EXOC4: variants seen among roughly 807,000 people sequenced by gnomAD.
EXOC4 encodes the protein SEC8-like 1.
EXOC4 carries 71 observed loss-of-function variants against 107.2 expected under a neutral mutation model. That is an observed-to-expected ratio of 0.66 (90% CI 0.55 to 0.81). The LOEUF is 0.81. Among genes scored for constraint, EXOC4 ranks in the 30% least tolerant of loss-of-function variants. The pLI, the probability that EXOC4 is intolerant of heterozygous loss-of-function variation, is 0.00. For synonymous variants in EXOC4, 456 were observed against 441.2 expected (o/e 1.03, Z -0.42); for missense variants, 1,108 against 1,189.6 (o/e 0.93, Z 1.01).
chr7:133,331,008 G>A (rs1333523555), intron 5 of EXOC4, among the ~76,000 whole-genome samples: 1 of 151,716 alleles, frequency 6.6e-6, no homozygotes, highest in Non-Finnish European at 1.5e-5. Flanking sequence ...TGATGCAACA[G>A]GCCTATGACG....
In EXOC4 at chr7:133,623,304, T is replaced by C. The variant is rs917301702; in HGVS notation, c.1418-6741T>C. ...TATTTCTATTTGGGAGATTATCTTT[T>C]ATAAATAATACTGTAATCAATATAC... is the stretch of plus-strand genomic sequence containing the variant. On this transcript the variant is annotated intron_variant, in intron 9 of 17. Coordinates refer to ENST00000253861, the MANE Select transcript of EXOC4 (RefSeq NM_021807.4). Among the ~76,000 whole-genome samples the C allele has an allele frequency of 1.7e-4, 26 of 152,232 alleles. No individual in the cohort carries two copies. The East Asian group carries it at 4.6e-3, about 27-fold the overall frequency.
chr7:133,969,880 T>C (rs1308211177), intron 14 of EXOC4, among the ~76,000 whole-genome samples: 2 of 152,174 alleles, frequency 1.3e-5, no homozygotes, highest in African/African-American at 4.8e-5. Context: ...CTGGGAGATC[T>C]GCTGCTCTCT....
At chr7:133,557,545 CA>C (rs1227440470) in intron 9 of EXOC4, among the ~76,000 whole-genome samples, 1 of 152,072 alleles carries the variant, frequency 6.6e-6, no homozygotes, top group Non-Finnish European at 1.5e-5. Context: ...TAAATAGAGT[CA>C]ATAGATTCAT....
At chr7:134,022,184 CTG>C (rs1430378259) in intron 17 of EXOC4, among the ~76,000 whole-genome samples, 3 of 152,184 alleles carry the variant, frequency 2.0e-5, no homozygotes, top group Non-Finnish European at 4.4e-5. Context: ...GTGTGGCAGT[CTG>C]TTTCTTTTGT....
At chr7:133,353,131 AT>A (rs1795948233) in intron 5 of EXOC4, among the ~76,000 whole-genome samples, 1 of 152,146 alleles carries the variant, frequency 6.6e-6, no homozygotes, top group Non-Finnish European at 1.5e-5. Flanking sequence ...ATCTTTTAAT[AT>A]TTTAAATTAT....
At chr7:133,474,152 CTTA>C (rs1255803513) in intron 7 of EXOC4, among the ~76,000 whole-genome samples, 2 of 152,094 alleles carry the variant, frequency 1.3e-5, no homozygotes, top group African/African-American at 2.4e-5. Flanking sequence ...ACTCTTCCTT[CTTA>C]TTATCTTTCT....
Position 133,756,584 on chromosome 7 carries a change from CA to C in EXOC4, c.1515-60740del, listed in dbSNP as rs1324828926. ...GCGGTGAAAGTTTTGAATCCTCCTC[CA>C]TTTAAAATTGCCACTCTGCACAAAC... On this transcript the variant is annotated intron_variant, in intron 10 of 17. Transcript: ENST00000253861. Among the ~76,000 whole-genome samples, 5 of 152,168 alleles carry C rather than the reference CA, an allele frequency of 3.3e-5. 1 individual carries two copies. Among genetic ancestry groups the C allele is most frequent in the African/African-American group, 1.2e-4 (5 of 41,434 alleles).
At chr7:133,441,401 T>C (rs750086974) in intron 7 of EXOC4, among the ~76,000 whole-genome samples, 1 of 152,164 alleles carries the variant, frequency 6.6e-6, no homozygotes, top group East Asian at 1.9e-4. Context: ...TCTTTTTGCC[T>C]TGTTTTTGAG....
In EXOC4 at chr7:133,567,294, G is replaced by T. The variant is rs534553429; in HGVS notation, c.1418-62751G>T. On this transcript the variant is annotated intron_variant, in intron 9 of 17. Coordinates refer to ENST00000253861, the MANE Select transcript of EXOC4 (RefSeq NM_021807.4). ...TTTTTTTTCCTGTTTTACACAGATG[G>T]TAACATTATGAACACTGTTCTGAAC... Among the ~76,000 whole-genome samples the T allele has an allele frequency of 7.3e-5, 11 of 151,410 alleles. No homozygotes were observed. The East Asian group carries it at 1.9e-3, about 27-fold the overall frequency.
At chr7:133,943,454 A>G (rs1233286281) in intron 14 of EXOC4, among the ~76,000 whole-genome samples, 3 of 152,202 alleles carry the variant, frequency 2.0e-5, no homozygotes, top group African/African-American at 4.8e-5. Flanking sequence ...ATTCAATACC[A>G]GAAAACCTCT....
chr7:133,427,635 C>T (rs946465118), intron 7 of EXOC4, among the ~76,000 whole-genome samples: 1 of 152,194 alleles, frequency 6.6e-6, no homozygotes, highest in African/African-American at 2.4e-5. Context: ...GGGGTTGGCA[C>T]AGGAAGGTTG....
chr7:133,998,098 GA>G (rs1159973523), intron 15 of EXOC4, among the ~76,000 whole-genome samples: 2 of 152,172 alleles, frequency 1.3e-5, no homozygotes, highest in Admixed American at 6.5e-5. Context: ...TGCTAGTCAA[GA>G]AGGGAGTCAC....
rs193293558 is a variant in EXOC4, at chr7:133,654,674, C to T, written c.1514+24533C>T. Among the ~76,000 whole-genome samples, 7 of 152,170 alleles carry T rather than the reference C, an allele frequency of 4.6e-5. 1 individual carries two copies. The highest frequency in any genetic ancestry group is 2.0e-4 in the Admixed American group (3 of 15,262). ...TTCTTTCTTTTCCCTATTGCTCAGG[C>T]GTCATTCATAATAAAATATAGTCAC... On this transcript the variant is annotated intron_variant, in intron 10 of 17. Coordinates refer to ENST00000253861, the MANE Select transcript of EXOC4 (RefSeq NM_021807.4).
At chr7:134,005,439 T>G (rs1794623723) in intron 16 of EXOC4, among the ~76,000 whole-genome samples, 1 of 152,074 alleles carries the variant, frequency 6.6e-6, no homozygotes, top group South Asian at 2.1e-4. Context: ...GAGGAGAGAA[T>G]CCTGAAAGAT....
intron 14 of EXOC4, among the ~76,000 whole-genome samples, chr7:133,943,545 C>T (rs1381511882): frequency 2.6e-5 from 4 of 152,110 alleles, no homozygotes; most frequent in Non-Finnish European, 5.9e-5. Context: ...TCTGTTGTCC[C>T]AGCGTATCTC....
At chr7:133,441,244 A>G (rs1798096719) in intron 7 of EXOC4, among the ~76,000 whole-genome samples, 1 of 152,142 alleles carries the variant, frequency 6.6e-6, no homozygotes. Flanking sequence ...CCAGAAAGAG[A>G]GTTAGGAAGG....
At chr7:133,790,156 G>GATTGCATTGGTCA (rs1796673901) in intron 10 of EXOC4, among the ~76,000 whole-genome samples, 1 of 152,192 alleles carries the variant, frequency 6.6e-6, no homozygotes, top group South Asian at 2.1e-4. Flanking sequence ...TATGGTCAAT[G>GATTGCATTGGTCA]AATCAGTGGT....
chr7:133,318,213 T>C (rs900225163), intron 5 of EXOC4, among the ~76,000 whole-genome samples: 7 of 152,212 alleles, frequency 4.6e-5, no homozygotes, highest in African/African-American at 1.4e-4. Flanking sequence ...TACAAACTTA[T>C]CTTTTCTTCT....
At chr7:133,414,140 TAAAC>T (rs1325417287) in intron 7 of EXOC4, among the ~76,000 whole-genome samples, 1 of 152,142 alleles carries the variant, frequency 6.6e-6, no homozygotes, top group Non-Finnish European at 1.5e-5. Context: ...AAGAAAAAGA[TAAAC>T]AACTCAATGG....
Sources: gnomAD v4.1 joint callset for allele counts (sites outside exome capture counted in the v4.1 genomes callset) on GRCh38, gnomAD v4.1.1 for gene constraint, MANE v1.5 for transcripts, NCBI Gene and HGNC (gene_info 2026-07-23, HGNC 2026-07-21) for gene names.